ACBD6: variants seen among roughly 807,000 people sequenced by gnomAD.
ACBD6 encodes the protein acyl-CoA-binding domain-containing protein 6.
In ACBD6, 28 loss-of-function variants were observed where a neutral mutation model predicts 37.2. The observed-to-expected ratio is 0.75, with a 90% CI of 0.56 to 1.03. ACBD6 has a LOEUF of 1.03. Among genes scored for constraint, ACBD6 ranks in the 50% least tolerant of loss-of-function variants. The pLI, the probability that ACBD6 is intolerant of heterozygous loss-of-function variation, is 0.00. For missense variants in ACBD6, 340 were observed against 337.4 expected (o/e 1.01, Z -0.06); for synonymous variants, 113 against 126.8 (o/e 0.89, Z 0.73).
chr1:180,277,910 A>AAGAT (rs1443823524), intron 9 of ACBD6: 2 of 152,152 alleles, frequency 1.3e-5, no homozygotes, highest in East Asian at 3.9e-4. Flanking sequence ...GAAACCTAGT[A>AAGAT]AGATAATTGG....
intron 4 of ACBD6, among the ~76,000 whole-genome samples, chr1:180,429,110 A>C (rs1648712182): frequency 6.6e-6 from 1 of 152,198 alleles, no homozygotes; most frequent in South Asian, 2.1e-4. Flanking sequence ...CTTCACTATC[A>C]AAAACTAAAA....
At chr1:180,330,421 AAAACAAAC>A (rs61307556) in intron 6 of ACBD6, among the ~76,000 whole-genome samples, 21 of 151,702 alleles carry the variant, frequency 1.4e-4, no homozygotes, top group African/African-American at 4.1e-4. Flanking sequence ...CTCTGTTTCA[AAAACAAAC>A]AAACAAACAA....
intron 10 of ACBD6, chr1:180,274,552 C>A (rs200889836): frequency 1.3e-6 from 2 of 1,590,722 alleles, no homozygotes; most frequent in Middle Eastern, 1.7e-4. Context: ...GCTCTTGGCT[C>A]GATGAAATGG....
At chr1:180,407,700 G>A (rs989394624) in intron 5 of ACBD6, among the ~76,000 whole-genome samples, 2 of 152,190 alleles carry the variant, frequency 1.3e-5, no homozygotes, top group Non-Finnish European at 2.9e-5. Flanking sequence ...ATGGATTTGA[G>A]CAAGTAAATG....
chr1:180,331,760 CCCCCAAGGAAAATTGTCCCAA>C (rs1651491515), intron 6 of ACBD6, among the ~76,000 whole-genome samples: 1 of 152,038 alleles, frequency 6.6e-6, no homozygotes, highest in Non-Finnish European at 1.5e-5. Flanking sequence ...GTAAATTTTT[CCCCCAAGGAAAATTGTCCCAA>C]CCCCAAGACT....
intron 3 of ACBD6, among the ~76,000 whole-genome samples, chr1:180,491,071 C>T (rs1651485322): frequency 6.6e-6 from 1 of 150,674 alleles, no homozygotes; most frequent in East Asian, 1.9e-4. Context: ...TCTTAAGATA[C>T]ATTTTTAATA....
chr1:180,439,235 T>G (rs572632820), intron 3 of ACBD6, among the ~76,000 whole-genome samples: 4 of 152,182 alleles, frequency 2.6e-5, no homozygotes, highest in Non-Finnish European at 5.9e-5. Flanking sequence ...TTCTTGACTC[T>G]TTACCGTAAA....
intron 6 of ACBD6, among the ~76,000 whole-genome samples, chr1:180,344,355 AAGAG>A (rs1322767865): frequency 6.6e-6 from 1 of 152,186 alleles, no homozygotes; most frequent in Non-Finnish European, 1.5e-5. Flanking sequence ...TAGCAATTGC[AAGAG>A]AGAAAGAGAA....
chr1:180,329,638 T>C (rs1049682030), intron 6 of ACBD6, among the ~76,000 whole-genome samples: 2 of 152,234 alleles, frequency 1.3e-5, no homozygotes, highest in Non-Finnish European at 2.9e-5. Context: ...TTTCTAAGCA[T>C]AGACTATATT....
intron 7 of ACBD6, among the ~76,000 whole-genome samples, chr1:180,306,014 C>T (rs1298756646): frequency 1.3e-5 from 2 of 148,598 alleles, no homozygotes; most frequent in African/African-American, 2.5e-5. Flanking sequence ...AACCAAACAC[C>T]GCATATTCTC....
chr1:180,402,999 T>C (rs1385927627), intron 5 of ACBD6, among the ~76,000 whole-genome samples: 2 of 152,116 alleles, frequency 1.3e-5, no homozygotes, highest in Non-Finnish European at 2.9e-5. Flanking sequence ...TGGAACATAT[T>C]CAGCAGTATA....
At chr1:180,271,676 T>C (rs1648669754) in exon 14 of ACBD6, 1 of 1,326,404 alleles carries the variant, frequency 7.5e-7, no homozygotes, top group Non-Finnish European at 1.1e-6. Context: ...GACAGAGTTC[T>C]GAGGCCCACC....
chr1:180,489,760 G>A (rs760419183), intron 3 of ACBD6, among the ~76,000 whole-genome samples: 2 of 151,376 alleles, frequency 1.3e-5, no homozygotes, highest in Non-Finnish European at 2.9e-5. Flanking sequence ...GGGTTCAAGC[G>A]ATTCTCCTGC....
At chr1:180,349,919 T>C (rs1228873817) in intron 6 of ACBD6, among the ~76,000 whole-genome samples, 1 of 151,248 alleles carries the variant, frequency 6.6e-6, no homozygotes, top group African/African-American at 2.5e-5. Context: ...TTTTTCTATT[T>C]GTATTCTAAT....
At chr1:180,414,139 G>A (rs868276443) in intron 4 of ACBD6, among the ~76,000 whole-genome samples, 1 of 152,142 alleles carries the variant, frequency 6.6e-6, no homozygotes, top group Non-Finnish European at 1.5e-5. Flanking sequence ...ATAATGTACA[G>A]AATTATCTTT....
At chr1:180,461,691 A>C (rs1650153063) in intron 3 of ACBD6, among the ~76,000 whole-genome samples, 2 of 152,120 alleles carry the variant, frequency 1.3e-5, no homozygotes, top group South Asian at 4.1e-4. Context: ...GAGAAATAAG[A>C]TCCTTTTCAG....
intron 3 of ACBD6, among the ~76,000 whole-genome samples, chr1:180,489,107 A>G (rs566021422): frequency 6.6e-6 from 1 of 152,274 alleles, no homozygotes; most frequent in East Asian, 1.9e-4. Context: ...CGGAGGGTGC[A>G]GTAAGCTGAG....
At chr1:180,335,025 C>A (rs1651645271) in intron 6 of ACBD6, among the ~76,000 whole-genome samples, 1 of 152,150 alleles carries the variant, frequency 6.6e-6, no homozygotes, top group South Asian at 2.1e-4. Context: ...AAGACCAAAT[C>A]TACTTCTGAT....
intron 6 of ACBD6, among the ~76,000 whole-genome samples, chr1:180,325,935 T>C (rs1425226023): frequency 6.6e-6 from 1 of 152,204 alleles, no homozygotes; most frequent in Non-Finnish European, 1.5e-5. Context: ...GCAAAAACCC[T>C]GTGGCCACCA....
Sources: gnomAD v4.1 joint callset for allele counts (sites outside exome capture counted in the v4.1 genomes callset) on GRCh38, gnomAD v4.1.1 for gene constraint, MANE v1.5 for transcripts, NCBI Gene and HGNC (gene_info 2026-07-23, HGNC 2026-07-21) for gene names.